CALD1: variants seen among roughly 807,000 people sequenced by gnomAD.
CALD1 encodes caldesmon 1.
In CALD1, 33 loss-of-function variants were observed where a neutral mutation model predicts 99.9. That is an observed-to-expected ratio of 0.33 (90% confidence interval 0.25 to 0.44). The LOEUF is 0.44. Among genes scored for constraint, CALD1 ranks in the 20% least tolerant of loss-of-function variants. CALD1 has a pLI of 1.00. For missense variants in CALD1, 861 were observed against 962.1 expected (o/e 0.89, Z 1.39); for synonymous variants, 310 against 325.0 (o/e 0.95, Z 0.50).
chr7:134,928,185 A>C (rs1346306049), intron 3 of CALD1: 2 of 197,918 alleles, frequency 1.0e-5, no homozygotes, highest in Admixed American at 1.1e-4. Flanking sequence ...TAATCCCAGC[A>C]CTTTGGGAGG....
intron 1 of CALD1, among the ~76,000 whole-genome samples, chr7:134,762,945 C>T (rs1386167983): frequency 6.6e-6 from 1 of 152,168 alleles, no homozygotes; most frequent in Non-Finnish European, 1.5e-5. Flanking sequence ...CATCCCATAA[C>T]ATTTTGTGTG....
chr7:134,871,958 TG>T (rs2132352340), intron 3 of CALD1, among the ~76,000 whole-genome samples: 1 of 152,376 alleles, frequency 6.6e-6, no homozygotes, highest in East Asian at 1.9e-4. Flanking sequence ...TGCTTAGGAC[TG>T]GCATTTATTC....
chr7:134,857,409 G>A (rs926689895), intron 2 of CALD1, among the ~76,000 whole-genome samples: 3 of 151,526 alleles, frequency 2.0e-5, no homozygotes, highest in Non-Finnish European at 2.9e-5. Flanking sequence ...CGCCCGCCTC[G>A]GCCTCCCAAA....
chr7:134,924,916 G>T (rs1037935986), intron 3 of CALD1, among the ~76,000 whole-genome samples: 1 of 152,068 alleles, frequency 6.6e-6, no homozygotes, highest in African/African-American at 2.4e-5. Context: ...TTCACTTGGC[G>T]CTTCTTCCTG....
chr7:134,962,366 T>TAAAAAAAAAAAAAAA (rs35952925), intron 13 of CALD1: 1 of 91,990 alleles, frequency 1.1e-5, no homozygotes, highest in Non-Finnish European at 2.2e-5. Context: ...GACAGCCTCC[T>TAAAAAAAAAAAAAAA]AAAAAAAAAA....
At chr7:134,747,582 A>G (rs1796646317) in intron 1 of CALD1, among the ~76,000 whole-genome samples, 3 of 152,216 alleles carry the variant, frequency 2.0e-5, no homozygotes, top group Non-Finnish European at 4.4e-5. Flanking sequence ...TAGGTCCTGG[A>G]GTGCAGAACA....
intron 1 of CALD1, among the ~76,000 whole-genome samples, chr7:134,784,909 G>C (rs771985429): frequency 6.6e-6 from 1 of 152,122 alleles, no homozygotes; most frequent in Non-Finnish European, 1.5e-5. Flanking sequence ...TGTGTTTCCA[G>C]GTCCAGTCCT....
At chr7:134,873,355 T>C (rs1404140500) in intron 3 of CALD1, among the ~76,000 whole-genome samples, 1 of 152,162 alleles carries the variant, frequency 6.6e-6, no homozygotes, top group Non-Finnish European at 1.5e-5. Flanking sequence ...TCATCAACAC[T>C]TGATTTGTTT....
At chr7:134,948,348 CATT>C (rs1807075220) in intron 8 of CALD1, among the ~76,000 whole-genome samples, 1 of 151,902 alleles carries the variant, frequency 6.6e-6, no homozygotes, top group Non-Finnish European at 1.5e-5. Context: ...AGAGCCCCAT[CATT>C]ATAAACAGAT....
Position 134,783,026 on chromosome 7 carries a change from A to G in CALD1, c.-130+3277A>G, listed in dbSNP as rs544279672. ...AAATCCAAAGATCCACTTGAGCATA[A>G]GACCAGTGAGAAAGTGCTGACAACA... On this transcript the variant is annotated intron_variant, in intron 1 of 14. Transcript: ENST00000361675. This position sits in a 1 kb window ranked among gnomAD's most constrained non-coding sequence, Gnocchi z 4.3. Among the ~76,000 whole-genome samples the G allele has an allele frequency of 8.5e-4, 130 of 152,332 alleles. 1 individual carries two copies. The highest frequency in any genetic ancestry group is 1.5e-3 in the Non-Finnish European group (104 of 68,022).
intron 3 of CALD1, among the ~76,000 whole-genome samples, chr7:134,892,832 CA>C (rs1274104001): frequency 6.6e-6 from 1 of 152,216 alleles, no homozygotes; most frequent in African/African-American, 2.4e-5. Flanking sequence ...CTCTACTCTG[CA>C]GTCATAGCCC....
Position 134,783,392 on chromosome 7 carries a change from T to C in CALD1, c.-130+3643T>C, listed in dbSNP as rs1451940643. Among the ~76,000 whole-genome samples, 3 of 152,174 alleles carry C rather than the reference T, an allele frequency of 2.0e-5. No individual in the cohort carries two copies. Among genetic ancestry groups the C allele is most frequent in the African/African-American group, 4.8e-5 (2 of 41,434 alleles). On this transcript the variant is annotated intron_variant, in intron 1 of 14. Transcript: ENST00000361675. The surrounding 1 kb of genome is among the most constrained non-coding windows in gnomAD (Gnocchi z 4.3). The stretch of plus-strand genomic sequence containing the variant: ...CAATTTGCAGGGGCCAGCTCTAAGA[T>C]GAGGCCCAGAGTACAGCAGAACACT...
intron 1 of CALD1, among the ~76,000 whole-genome samples, chr7:134,826,153 TAA>T (rs577949437): frequency 1.2e-4 from 18 of 152,172 alleles, no homozygotes; most frequent in Non-Finnish European, 2.6e-4. Context: ...ATTCTCTATA[TAA>T]GGATAATTTT....
At chr7:134,729,571 G>A in the CALD1 span, among the ~76,000 whole-genome samples, 1 of 152,232 alleles carries the variant, frequency 6.6e-6, no homozygotes, top group Non-Finnish European at 1.5e-5. Context: ...ACACAAGGAA[G>A]ATTTGAAGGG....
the CALD1 span, among the ~76,000 whole-genome samples, chr7:134,715,355 T>C: frequency 6.6e-6 from 1 of 152,220 alleles, no homozygotes. Flanking sequence ...GAACAGATCA[T>C]GTAGGTCTGC....
chr7:134,852,056 G>T (rs959525064), intron 2 of CALD1, among the ~76,000 whole-genome samples: 1 of 152,174 alleles, frequency 6.6e-6, no homozygotes, highest in African/African-American at 2.4e-5. Flanking sequence ...TGTAGGCCTT[G>T]ACACTGAGCA....
intron 1 of CALD1, among the ~76,000 whole-genome samples, chr7:134,814,906 C>G (rs1798498658): frequency 6.6e-6 from 1 of 152,136 alleles, no homozygotes; most frequent in Non-Finnish European, 1.5e-5. Context: ...AATTTCTTCT[C>G]TGTAAAATAA....
chr7:134,928,146 A>G (rs1805188579), intron 3 of CALD1: 5 of 277,194 alleles, frequency 1.8e-5, no homozygotes, highest in African/African-American at 2.3e-5. Flanking sequence ...TCTAAATCTT[A>G]CAAGGCCAGG....
chr7:134,902,327 A>G (rs771989735), intron 3 of CALD1, among the ~76,000 whole-genome samples: 3 of 152,152 alleles, frequency 2.0e-5, no homozygotes, highest in South Asian at 2.1e-4. Flanking sequence ...CCAGGTCTAC[A>G]TAAGTTCATA....
Sources: allele counts gnomAD v4.1 joint callset (sites outside exome capture counted in the v4.1 genomes callset), GRCh38; gene constraint gnomAD v4.1.1; non-coding constraint Gnocchi (gnomAD v3.1); transcripts MANE v1.5; gene names NCBI Gene and HGNC (gene_info 2026-07-23, HGNC 2026-07-21).